Variants in LOXL1 observed in about 807,000 individuals in gnomAD.
LOXL1 encodes the protein lysyl oxidase homolog 1.
A neutral mutation model predicts 62.2 loss-of-function variants in LOXL1; 31 were observed. The observed-to-expected ratio is 0.50, with a 90% CI of 0.37 to 0.67. The LOEUF is 0.67. Ranked by LOEUF, LOXL1 falls within the 30% of genes least tolerant of loss-of-function variation. LOXL1 has a pLI of 0.00. For missense variants in LOXL1, 775 were observed against 843.4 expected, an observed-to-expected ratio of 0.92 and a Z score of 1.00; for synonymous variants, 403 against 384.4, an observed-to-expected ratio of 1.05 and a Z score of -0.56.
At chr15:73,934,268 C>G (rs975960122) in intron 1 of LOXL1, among the ~76,000 whole-genome samples, 2 of 152,218 alleles carry the variant, frequency 1.3e-5, no homozygotes, top group African/African-American at 4.8e-5. Context: ...TGCCACCAGA[C>G]GTTTTATGGA....
chr15:73,950,465 A>G (rs2068776328), intron 6 of LOXL1, among the ~76,000 whole-genome samples: 1 of 152,140 alleles, frequency 6.6e-6, no homozygotes, highest in Non-Finnish European at 1.5e-5. Flanking sequence ...GGTGTGGTGT[A>G]TGGCCAGGGT....
chr15:73,947,367 G>A (rs1220811341), intron 4 of LOXL1, 144 bp downstream of exon 4: 15 of 843,408 alleles, frequency 1.8e-5, no homozygotes, highest in Non-Finnish European at 2.7e-5. Flanking sequence ...CCAGTCCTCA[G>A]GCTGCCACAC....
chr15:73,948,196 A>G (rs4497636), intron 5 of LOXL1, among the ~76,000 whole-genome samples: 148,609 of 152,294 alleles, frequency 0.98, 72,525 homozygotes, highest in East Asian at 1. Flanking sequence ...GGAGAGCAAG[A>G]AAGACTTGGA....
chr15:73,931,301 G>T (rs2068634120), intron 1 of LOXL1, among the ~76,000 whole-genome samples: 1 of 151,916 alleles, frequency 6.6e-6, no homozygotes, highest in South Asian at 2.1e-4. Context: ...CAGAGGCCAG[G>T]AGAGAACCGC....
In LOXL1 at chr15:73,927,373, C is replaced by A. The variant is rs775653790; in HGVS notation, c.590C>A (p.Thr197Asn). The stretch of plus-strand genomic sequence containing the variant: ...GAGAACTACGACCCCGCGTCGCGGA[C>A]CTACGACCAGGGTTTCGTGTACTAC... ...QYENYDPASR[T>N]YDQGFVYYRP... The change falls in exon 1 of 7, where the codon ACC becomes AAC. Residue 197 changes from threonine (T) to asparagine (N), a missense_variant. Transcript: ENST00000261921. 7.6e-6 allele frequency: 12 copies of A among 1,587,098 alleles called. No individual in the cohort carries two copies. The Middle Eastern group carries it at 1.0e-3, about 132-fold the overall frequency.
chr15:73,948,727 G>T (rs147560315), intron 5 of LOXL1, among the ~76,000 whole-genome samples: 2 of 152,300 alleles, frequency 1.3e-5, no homozygotes, highest in African/African-American at 4.8e-5. Context: ...GCCTGGGGTT[G>T]TCCAGTATAT....
Position 73,927,641 on chromosome 15 carries a change from C to A in LOXL1, c.858C>A (p.Phe286Leu). The A allele has an allele frequency of 6.7e-7, 1 of 1,488,202 alleles. No individual in the cohort carries two copies. The highest frequency in any genetic ancestry group is 8.9e-7 in the Non-Finnish European group (1 of 1,125,694). The allele number at this position is 1,488,202 out of a possible 1,614,324, so 92.2% of individuals were successfully genotyped here. A position where few individuals can be genotyped will look rare whatever the true frequency, so the allele number is the denominator to read the frequency against. Residue 286 changes from phenylalanine (F) to leucine (L), a missense_variant, in exon 1 of 7, where the codon TTC (phenylalanine) becomes TTA (leucine). Transcript: ENST00000261921. ...TGTACAGCGAGGGCACCCCCGGCTT[C>A]GAGCAGGCCTACCCTGACCCCGGTC... is the stretch of plus-strand genomic sequence containing the variant. ...HSLYSEGTPG[F>L]EQAYPDPGPE...
chr15:73,949,546 G>T lies in LOXL1; in HGVS notation c.1690G>T (p.Val564Phe). 2 of 1,613,936 alleles carry T rather than the reference G, an allele frequency of 1.2e-6. No homozygotes were observed. The highest frequency in any genetic ancestry group is 8.5e-7 in the Non-Finnish European group (1 of 1,179,822). ...RCNIHYTGRY[V>F]SATNCKIVQS The stretch of plus-strand genomic sequence containing the variant: ...CAACATTCACTACACAGGTCGCTAC[G>T]TTTCTGCAACAAACTGCAAAATTGT... The change falls in exon 6 of 7, where the codon GTT (valine) becomes TTT (phenylalanine). Residue 564 changes from valine (V) to phenylalanine (F), a missense_variant. Physicochemically the swap from Val to Phe is conservative, Grantham distance 50. Transcript: ENST00000261921.
rs1265348388 is a variant in LOXL1, at chr15:73,926,624, C to A, written c.-160C>A. ...CCCCTTGGCCTTGAAATGCTGTCAT[C>A]GGAGGAGCCGTCCCGCTCGGGACAA... On this transcript the variant is annotated 5_prime_UTR_variant, in exon 1 of 7. The change creates a premature stop within an existing upstream ORF in the 5' untranslated region. Transcript: ENST00000261921. The A allele has an allele frequency of 1.2e-6, 1 of 814,664 alleles. No homozygotes were observed. Among genetic ancestry groups the A allele is most frequent in the African/African-American group, 1.8e-5 (1 of 55,550 alleles). 50.5% of individuals were successfully genotyped at this position (814,664 alleles called of 1,614,324 possible).
chr15:73,946,550 C>T lies in LOXL1; in HGVS notation c.1345C>T (p.His449Tyr). Residue 449 changes from histidine to tyrosine, a missense_variant, in exon 3 of 7, where the codon CAC (histidine) becomes TAC (tyrosine). Transcript: ENST00000261921. Reference sequence around the variant, plus strand: ...GCACACCTGGGAGTGGCACAGCTGCCACCAGTGAGTGGGGAGGGGCTGGGC... The same window carrying T: ...GCACACCTGGGAGTGGCACAGCTGCTACCAGTGAGTGGGGAGGGGCTGGGC... The part of the protein sequence containing the change: ...PRHTWEWHSC[H>Y]QHYHSMDEFS... 3.1e-6 allele frequency: 5 copies of T among 1,604,874 alleles called. No homozygotes were observed. Among genetic ancestry groups the T allele is most frequent in the Non-Finnish European group, 4.3e-6 (5 of 1,175,866 alleles).
At chr15:73,939,666 TGTG>T (rs1385722152) in intron 1 of LOXL1, among the ~76,000 whole-genome samples, 2 of 152,202 alleles carry the variant, frequency 1.3e-5, no homozygotes, top group Non-Finnish European at 2.9e-5. Context: ...ACAGCTTGAT[TGTG>T]GTGGAAGCCA....
Position 73,951,863 on chromosome 15 carries a change from C to G in LOXL1, c.*26C>G, listed in dbSNP as rs770611429. Reference sequence around the variant, plus strand: ...TCTCCGGGAGGGACAGATGGCCAATCTCTCCCCTTCCAAAGCAGGCCCTGC... The same window carrying G: ...TCTCCGGGAGGGACAGATGGCCAATGTCTCCCCTTCCAAAGCAGGCCCTGC... On this transcript the variant is annotated 3_prime_UTR_variant, in exon 7 of 7. Coordinates refer to ENST00000261921, the MANE Select transcript of LOXL1 (RefSeq NM_005576.4). 1 of 1,528,298 alleles carries G rather than the reference C, an allele frequency of 6.5e-7. No homozygotes were observed. 94.7% of individuals were successfully genotyped at this position (1,528,298 alleles called of 1,614,324 possible).
chr15:73,936,933 AT>A (rs1312143398), intron 1 of LOXL1, among the ~76,000 whole-genome samples: 1 of 152,242 alleles, frequency 6.6e-6, no homozygotes, highest in Non-Finnish European at 1.5e-5. Flanking sequence ...AAGTATTTTA[AT>A]CTCCAAGTGT....
rs781059487 is a variant in LOXL1, at chr15:73,927,434, G to A, written c.651G>A (p.Ala217=). The A allele has an allele frequency of 4.9e-5, 72 of 1,470,380 alleles. No homozygotes were observed. Among genetic ancestry groups the A allele is most frequent in the African/African-American group, 7.3e-5 (5 of 68,482 alleles). 91.1% of individuals were successfully genotyped at this position (1,470,380 alleles called of 1,614,324 possible). A position where few individuals can be genotyped will look rare whatever the true frequency, so the allele number is the denominator to read the frequency against. The change falls in exon 1 of 7, where the codon GCG becomes GCA. Residue 217 remains alanine, a synonymous_variant. Transcript: ENST00000261921. ...GCGGCGGCGTGGGCGCGGGGGCGGC[G>A]GCCGTGGCCTCGGCGGGGGTCATCT... The part of the protein sequence containing the change: ...PAGGGVGAGA[A]AVASAGVIYP...
rs989783895 is a variant in LOXL1, at chr15:73,930,658, A to G, written c.1102+2773A>G. ...GTGTGGGCGTGGACGTGTCCTCACAACACCAAGCACATGTGAGCACCACCC... is the reference window on the plus strand; with the variant it reads ...GTGTGGGCGTGGACGTGTCCTCACAGCACCAAGCACATGTGAGCACCACCC... On this transcript the variant is annotated intron_variant, in intron 1 of 6. Transcript: ENST00000261921. This position sits in a 1 kb window ranked among gnomAD's most constrained non-coding sequence, Gnocchi z 4.7. Among the ~76,000 whole-genome samples, 7 of 152,074 alleles carry G rather than the reference A, an allele frequency of 4.6e-5. No individual in the cohort carries two copies. Among genetic ancestry groups the G allele is most frequent in the African/African-American group, 7.2e-5 (3 of 41,416 alleles).
At chr15:73,941,391 TGTG>T (rs1232069276) in intron 1 of LOXL1, among the ~76,000 whole-genome samples, 2 of 151,712 alleles carry the variant, frequency 1.3e-5, no homozygotes, top group African/African-American at 4.8e-5. Flanking sequence ...CTCAGGGTGG[TGTG>T]GGGTGGGGGA....
chr15:73,947,989 G>A, intron 5 of LOXL1, 87 bp downstream of exon 5: 1 of 981,420 alleles, frequency 1.0e-6, no homozygotes, highest in Non-Finnish European at 1.5e-6. Context: ...CAGCCTCTGG[G>A]CCTGTTCCCT....
rs188737159 is a variant in LOXL1 at position 73,936,243 on chromosome 15, T to G, written c.1103-6611T>G. ...TCTCAGGCTTGAGCTGGGTTACATC[T>G]TCATTATGGGGCAAAGTGGAATCTG... On this transcript the variant is annotated intron_variant, in intron 1 of 6. Transcript: ENST00000261921. Among the ~76,000 whole-genome samples the G allele has an allele frequency of 5.9e-5, 9 of 152,186 alleles. No individual in the cohort carries two copies. The East Asian group carries it at 1.7e-3, about 29-fold the overall frequency.
intron 6 of LOXL1, among the ~76,000 whole-genome samples, chr15:73,951,060 A>G (rs1337216860): frequency 6.6e-6 from 1 of 152,218 alleles, no homozygotes; most frequent in Non-Finnish European, 1.5e-5. Context: ...AGGGTCACCT[A>G]AGTGGTAGAA....
Sources: allele counts gnomAD v4.1 joint callset (sites outside exome capture counted in the v4.1 genomes callset), GRCh38; gene constraint gnomAD v4.1.1; non-coding constraint Gnocchi (gnomAD v3.1); transcripts MANE v1.5; gene names NCBI Gene and HGNC (gene_info 2026-07-23, HGNC 2026-07-21).